Variants in SETDB1 observed in about 807,000 individuals in gnomAD.
The protein encoded by SETDB1 is SET domain bifurcated histone lysine methyltransferase 1.
A neutral mutation model predicts 137.4 loss-of-function variants in SETDB1; 31 were observed. The ratio of observed to expected loss-of-function variants is 0.23; its 90% CI spans 0.17 to 0.30. SETDB1 has a LOEUF of 0.30. Among genes scored for constraint, SETDB1 ranks in the 10% least tolerant of loss-of-function variants. The pLI, the probability that SETDB1 is intolerant of heterozygous loss-of-function variation, is 1.00. For synonymous variants in SETDB1, 548 were observed against 579.9 expected (o/e 0.95, Z 0.79); for missense variants, 1,113 against 1,631.5 (o/e 0.68, Z 5.47).
chr1:150,961,618 C>T, intron 16 of SETDB1: 1 of 183,432 alleles, frequency 5.5e-6, no homozygotes, highest in South Asian at 1.0e-4. Context: ...CGCACCACTG[C>T]ACTCCAGCCT....
intron 7 of SETDB1, 73 bp from the exon 8 acceptor site, chr1:150,943,847 A>G (rs1212118435): frequency 2.2e-6 from 2 of 926,604 alleles, no homozygotes; most frequent in African/African-American, 3.3e-5. Flanking sequence ...AGAAGCTATG[A>G]TAAAATAATT....
intron 14 of SETDB1, among the ~76,000 whole-genome samples, chr1:150,952,315 A>G (rs976805837): frequency 6.6e-6 from 1 of 152,198 alleles, no homozygotes; most frequent in South Asian, 2.1e-4. Flanking sequence ...AGATCGTTAT[A>G]GGAGTACAGC....
rs751962347 is a variant in SETDB1, at chr1:150,963,120, G to A, written c.3441G>A (p.Glu1147=). ...CTGGCTCTGAAGGGGATGACTTTGA[G>A]GACAAGAAGAACATGACTGGTAGCC... ...ISSGSEGDDF[E]DKKNMTGPMK... Residue 1147 remains glutamate, a synonymous_variant, in exon 19 of 22, where the codon GAG becomes GAA. Coordinates refer to ENST00000692827, the MANE Select transcript of SETDB1 (RefSeq NM_001366418.1). The A allele has an allele frequency of 1.2e-6, 2 of 1,613,706 alleles. No homozygotes were observed. The highest frequency in any genetic ancestry group is 2.2e-5 in the East Asian group (1 of 44,874).
chr1:150,957,493 C>T (rs1356560744), intron 14 of SETDB1, among the ~76,000 whole-genome samples: 11 of 152,184 alleles, frequency 7.2e-5, no homozygotes, highest in African/African-American at 2.7e-4. Context: ...CGTGAACTAA[C>T]TGAGCTGTTG....
chr1:150,933,368 C>CTTTT (rs71090112), intron 3 of SETDB1, among the ~76,000 whole-genome samples: 1,379 of 118,838 alleles, frequency 0.012, 70 homozygotes, highest in African/African-American at 0.042. Context: ...CCTATTTTGT[C>CTTTT]TTTTTTTTTT....
At chr1:150,927,576 A>G in intron 1 of SETDB1, 128 bp from the exon 2 acceptor site, 1 of 789,556 alleles carries the variant, frequency 1.3e-6, no homozygotes, top group Non-Finnish European at 2.0e-6. Flanking sequence ...AGGGAGGGAG[A>G]ACATGGAATA....
At chr1:150,963,242 C>G (rs1365001410) in intron 19 of SETDB1, 103 bp downstream of exon 19, 1 of 1,091,258 alleles carries the variant, frequency 9.2e-7, no homozygotes, top group Non-Finnish European at 1.3e-6. Flanking sequence ...AAATTCAGAT[C>G]CTAAGAATTG....
At position 150,950,497 on chromosome 1, in the gene SETDB1, A is replaced by G. The variant is rs1670464389; in HGVS notation, c.1623A>G (p.Ser541=). The G allele has an allele frequency of 1.2e-6, 2 of 1,611,496 alleles. No homozygotes were observed. Among genetic ancestry groups the G allele is most frequent in the African/African-American group, 2.7e-5 (2 of 74,846 alleles). The part of the protein sequence containing the change: ...LGSTASAPAP[S]ALPAPPAPPV... ...CCACAGCCTCTGCCCCAGCACCCTC[A>G]GCACTCCCGGCCCCTCCAGCACCCC... The change falls in exon 13 of 22, where the codon TCA becomes TCG. Residue 541 remains serine (S), a synonymous_variant. Transcript: ENST00000692827.
intron 2 of SETDB1, among the ~76,000 whole-genome samples, chr1:150,929,645 TTGCTGG>T (rs2102632041): frequency 6.6e-6 from 1 of 152,136 alleles, no homozygotes; most frequent in African/African-American, 2.4e-5. Flanking sequence ...GCCTCCCAAA[TTGCTGG>T]GATTGCAGGT....
chr1:150,961,515 C>T (rs587698553), intron 16 of SETDB1: 27 of 316,354 alleles, frequency 8.5e-5, no homozygotes, highest in South Asian at 5.4e-5. Flanking sequence ...ATTAGCCGGG[C>T]GTGGTGGTGC....
chr1:150,964,606 A>G lies in SETDB1; in HGVS notation c.*242A>G, dbSNP rs587679146. 2.4e-5 allele frequency: 16 copies of G among 654,368 alleles called. No individual in the cohort carries two copies. Among genetic ancestry groups the G allele is most frequent in the Non-Finnish European group, 4.2e-5 (15 of 360,500 alleles). 40.5% of individuals were successfully genotyped at this position (654,368 alleles called of 1,614,324 possible). A position where few individuals can be genotyped will look rare whatever the true frequency, so the allele number is the denominator to read the frequency against. The stretch of plus-strand genomic sequence containing the variant: ...ATCACCACTCTAACCTCGGCCTGAC[A>G]TCCCTCCCATCCCATATTTGTCCAA... On this transcript the variant is annotated 3_prime_UTR_variant, in exon 22 of 22. Coordinates refer to ENST00000692827, the MANE Select transcript of SETDB1 (RefSeq NM_001366418.1).
chr1:150,951,288 C>A, intron 13 of SETDB1, 77 bp from the exon 14 acceptor site: 1 of 1,199,696 alleles, frequency 8.3e-7, no homozygotes, highest in Non-Finnish European at 1.2e-6. Flanking sequence ...ACTGAGCAAC[C>A]TTGGGTACAT....
intron 3 of SETDB1, among the ~76,000 whole-genome samples, chr1:150,931,276 AAAAAAG>A (rs1212650756): frequency 1.8e-4 from 27 of 148,512 alleles, no homozygotes; most frequent in Non-Finnish European, 3.0e-4. Context: ...AAAAAAAAAA[AAAAAAG>A]GGTTTCCAGA....
chr1:150,949,629 TAGTG>T (rs1670439667), intron 12 of SETDB1, 104 bp downstream of exon 12: 2 of 990,038 alleles, frequency 2.0e-6, no homozygotes, highest in Admixed American at 5.0e-5. Flanking sequence ...AAGCTTATGA[TAGTG>T]AGGAGTTTGG....
chr1:150,930,167 A>G (rs1201176015), intron 3 of SETDB1, 49 bp downstream of exon 3: 1 of 1,482,322 alleles, frequency 6.7e-7, no homozygotes, highest in African/African-American at 1.4e-5. Context: ...AAGTTGAAAC[A>G]CTGGAAGATG....
At chr1:150,943,258 A>C (rs1015802288) in intron 7 of SETDB1, among the ~76,000 whole-genome samples, 2 of 152,130 alleles carry the variant, frequency 1.3e-5, no homozygotes, top group African/African-American at 4.8e-5. Flanking sequence ...TCTTTCCTCA[A>C]AGAGAAAACT....
intron 3 of SETDB1, among the ~76,000 whole-genome samples, chr1:150,938,218 T>C (rs1473683782): frequency 6.9e-5 from 1 of 14,530 alleles, no homozygotes; most frequent in Admixed American, 8.0e-4. Flanking sequence ...AGATTCCATC[T>C]CAAAAAAAAA....
chr1:150,959,889 TA>T (rs1212987742), intron 15 of SETDB1, among the ~76,000 whole-genome samples: 1 of 151,080 alleles, frequency 6.6e-6, no homozygotes, highest in East Asian at 2.0e-4. Flanking sequence ...CTGGCCAACA[TA>T]GTTGAAACCC....
At chr1:150,927,618 ATTAG>A (rs1669574255) in intron 1 of SETDB1, 82 bp from the exon 2 acceptor site, 1 of 1,172,678 alleles carries the variant, frequency 8.5e-7, no homozygotes, top group Non-Finnish European at 1.2e-6. Context: ...CAGAGTAGGA[ATTAG>A]TTTTATTAGG....
Sources: allele counts gnomAD v4.1 joint callset (sites outside exome capture counted in the v4.1 genomes callset), GRCh38; gene constraint gnomAD v4.1.1; transcripts MANE v1.5; gene names NCBI Gene and HGNC (gene_info 2026-07-23, HGNC 2026-07-21).